Variants in CIC observed in about 807,000 individuals in gnomAD.
CIC encodes the protein capicua transcriptional repressor.
Under a neutral mutation model 115.7 loss-of-function variants are expected in CIC, and 18 were observed. The ratio of observed to expected loss-of-function variants is 0.16; its 90% CI spans 0.11 to 0.23. CIC has a LOEUF of 0.23. Ranked by LOEUF, CIC falls within the 10% of genes least tolerant of loss-of-function variation. The pLI is 1.00. For missense variants in CIC, 2,000 were observed against 2,159.3 expected, an observed-to-expected ratio of 0.93 and a Z score of 1.46; for synonymous variants, 1,076 against 923.0, an observed-to-expected ratio of 1.17 and a Z score of -3.01.
At chr19:42,284,000 G>A (rs1365171236) in intron 2 of CIC, 2 of 149,514 alleles carry the variant, frequency 1.3e-5, no homozygotes, top group Non-Finnish European at 3.0e-5. Flanking sequence ...GAAGGCCGCG[G>A]GGGAAGCGGG....
chr19:42,292,871 A>G lies in CIC; in HGVS notation c.6196+12A>G, dbSNP rs1323980309. Reference sequence around the variant, plus strand: ...CCCCAGCGCCACAGGTAGGTGTCAGATCAACCCAGAGCAGAGTGAGTTGGG... The same window carrying G: ...CCCCAGCGCCACAGGTAGGTGTCAGGTCAACCCAGAGCAGAGTGAGTTGGG... On this transcript the variant is annotated intron_variant, in intron 15 of 20. Coordinates refer to ENST00000681038, the MANE Select transcript of CIC (RefSeq NM_001386298.1). 1 of 1,613,816 alleles carries G rather than the reference A, an allele frequency of 6.2e-7. No homozygotes were observed.
upstream of CIC, chr19:42,268,726 C>G (rs2036654795): frequency 6.6e-6 from 1 of 152,264 alleles, no homozygotes; most frequent in South Asian, 2.1e-4. Flanking sequence ...GAGTTGTAGT[C>G]TGCCTTGTAC....
rs1254553108 is a variant in CIC, at chr19:42,288,949, G to C, written c.3720G>C (p.Pro1240=). The C allele has an allele frequency of 6.2e-7, 1 of 1,614,062 alleles. No homozygotes were observed. Among genetic ancestry groups the C allele is most frequent in the Non-Finnish European group, 8.5e-7 (1 of 1,180,040 alleles). The part of the protein sequence containing the change: ...QTLLSSDTKA[P]GSSSCGAERL... ...TCCTGAGCTCAGACACCAAGGCTCCGGGGAGCAGCTCCTGTGGGGCAGAAC... is the reference window on the plus strand; with the variant it reads ...TCCTGAGCTCAGACACCAAGGCTCCCGGGAGCAGCTCCTGTGGGGCAGAAC... Residue 1240 remains proline, a synonymous_variant, in exon 8 of 21, where the codon CCG becomes CCC. Transcript: ENST00000681038.
Position 42,289,075 on chromosome 19 carries a change from ACAGGAACTGACG to A in CIC, c.3851_3861+1del. ...GCGGAGAAGTAGACAGTCAGGCGCT[ACAGGAACTGACG>A]CAGGTCTAGGGTGCAGGCCCCCTAG... On this transcript the variant is annotated inframe_deletion, in exon 8 of 21. Coordinates refer to ENST00000681038, the MANE Select transcript of CIC (RefSeq NM_001386298.1). The A allele has an allele frequency of 6.2e-7, 1 of 1,613,630 alleles. No homozygotes were observed. The highest frequency in any genetic ancestry group is 1.1e-5 in the South Asian group (1 of 91,090).
rs147311555 is a variant in CIC, at chr19:42,290,738, A to G, written c.4697A>G (p.Tyr1566Cys). The change falls in exon 11 of 21, where the codon TAT becomes TGT. Residue 1566 changes from tyrosine (Y) to cysteine (C), a missense_variant. Around this residue, in one of 8 missense-constraint regions of CIC, gnomAD observed 1,466 missense variants for 1,390.4 expected, o/e 1.05. Coordinates refer to ENST00000681038, the MANE Select transcript of CIC (RefSeq NM_001386298.1). ...TCCGCCCCCGCCCCATCACTGGCCT[A>G]TGGGGCCCCAGCAGCTCCCCTGTCC... Reference protein sequence around the residue: ...VPSAPAPSLAYGAPAAPLSRP... With the variant: ...VPSAPAPSLACGAPAAPLSRP... 2.5e-5 allele frequency: 40 copies of G among 1,612,374 alleles called. No homozygotes were observed. In the African/African-American group the frequency reaches 2.9e-4, roughly 12 times the overall value.
At position 42,286,853 on chromosome 19, in the gene CIC, C is replaced by G; in HGVS notation, c.2877C>G (p.Asp959Glu). 1 of 1,613,824 alleles carries G rather than the reference C, an allele frequency of 6.2e-7. No homozygotes were observed. The highest frequency in any genetic ancestry group is 8.5e-7 in the Non-Finnish European group (1 of 1,179,994). The change falls in exon 3 of 21, where the codon GAC (aspartate) becomes GAG (glutamate). Residue 959 changes from aspartate to glutamate, a missense_variant. Coordinates refer to ENST00000681038, the MANE Select transcript of CIC (RefSeq NM_001386298.1). ...LVPFLAPSQPDPSVQPSEAQQ... is the reference protein window; with the variant it reads ...LVPFLAPSQPEPSVQPSEAQQ... Reference sequence around the variant, plus strand: ...CCTTCCTGGCACCCAGCCAGCCTGACCCCTCCGTGCAGCCGAGCGAGGCCC... The same window carrying G: ...CCTTCCTGGCACCCAGCCAGCCTGAGCCCTCCGTGCAGCCGAGCGAGGCCC...
At chr19:42,277,332 C>T (rs1189735158) in intron 2 of CIC, among the ~76,000 whole-genome samples, 3 of 152,152 alleles carry the variant, frequency 2.0e-5, no homozygotes, top group African/African-American at 7.2e-5. Flanking sequence ...TGGGTTCAAG[C>T]GATTCTCCCG....
In CIC at chr19:42,286,980, C is replaced by T. The variant is rs1460599605; in HGVS notation, c.2945-26C>T. The T allele has an allele frequency of 4.4e-6, 7 of 1,608,210 alleles. No homozygotes were observed. In the East Asian group the frequency reaches 8.9e-5, roughly 20 times the overall value. On this transcript the variant is annotated intron_variant, in intron 3 of 20. Coordinates refer to ENST00000681038, the MANE Select transcript of CIC (RefSeq NM_001386298.1). ...TGTGGGGTCCAGGTGGCCTAGGAGC[C>T]CTCTGATCTACCTCTGTGTCCCCAG...
In CIC at chr19:42,280,526, C is replaced by T. The variant is rs1185705301; in HGVS notation, c.2794+5949C>T. ...CCCGCTGACCGCTGATTGGCCGAGACCTGCTTCTCCGCCCCTGAGCGATTA... is the reference window on the plus strand; with the variant it reads ...CCCGCTGACCGCTGATTGGCCGAGATCTGCTTCTCCGCCCCTGAGCGATTA... On this transcript the variant is annotated intron_variant, in intron 2 of 20. Transcript: ENST00000681038. This position sits in a 1 kb window ranked among gnomAD's most constrained non-coding sequence, Gnocchi z 4.9. 6.6e-6 allele frequency among the ~76,000 whole-genome samples: 1 copy of T among 152,190 alleles called. No homozygotes were observed. Among genetic ancestry groups the T allele is most frequent in the Non-Finnish European group, 1.5e-5 (1 of 68,016 alleles).
chr19:42,287,183 C>T lies in CIC; in HGVS notation c.3122C>T (p.Ser1041Phe), dbSNP rs2037716622. ...CCTCCCACCACGGAGGAGGAGGCCT[C>T]CGGCCCCCCAGGAGAGCCCCGGCTG... ...GPPPTTEEEASGPPGEPRLDS... is the reference protein window; with the variant it reads ...GPPPTTEEEAFGPPGEPRLDS... The change falls in exon 4 of 21, where the codon TCC (serine) becomes TTC (phenylalanine). Residue 1041 changes from serine to phenylalanine, a missense_variant. Ser to Phe is a radical substitution (Grantham distance 155). Transcript: ENST00000681038. The surrounding 1 kb of genome is among the most constrained non-coding windows in gnomAD (Gnocchi z 8.7). 1 of 1,613,526 alleles carries T rather than the reference C, an allele frequency of 6.2e-7. No individual in the cohort carries two copies. Among genetic ancestry groups the T allele is most frequent in the Non-Finnish European group, 8.5e-7 (1 of 1,179,870 alleles).
chr19:42,294,154 T>C lies in CIC; in HGVS notation c.6923-19T>C. 6.2e-7 allele frequency: 1 copy of C among 1,613,706 alleles called. No individual in the cohort carries two copies. Among genetic ancestry groups the C allele is most frequent in the Non-Finnish European group, 8.5e-7 (1 of 1,179,956 alleles). On this transcript the variant is annotated intron_variant, in intron 18 of 20. Coordinates refer to ENST00000681038, the MANE Select transcript of CIC (RefSeq NM_001386298.1). ...GCAGACTGGGGCCACCTGCACTGAG[T>C]CTGCTTCTGTTTGGCCAGACCTGGA...
chr19:42,289,827 C>T (rs765801499), intron 9 of CIC, 21 bp from the exon 10 acceptor site: 9 of 1,564,284 alleles, frequency 5.8e-6, no homozygotes, highest in Admixed American at 1.9e-5. Context: ...CCTCCCCATA[C>T]TGTTCCCTCC....
rs2037899407 is a variant in CIC at position 42,289,300 on chromosome 19, G to A, written c.3981G>A (p.Leu1327=). ...TGGCGGCCACTGGGCGGCCCCCGCT[G>A]CTGCCCACCCGAGCTTCTCGTTCTC... ...GALAATGRPP[L]LPTRASRSQR... The change falls in exon 9 of 21, where the codon CTG becomes CTA. Residue 1327 remains leucine, a synonymous_variant. Coordinates refer to ENST00000681038, the MANE Select transcript of CIC (RefSeq NM_001386298.1). The A allele has an allele frequency of 3.1e-6, 5 of 1,613,878 alleles. No homozygotes were observed. In the South Asian group the frequency reaches 5.5e-5, roughly 18 times the overall value.
intron 2 of CIC, among the ~76,000 whole-genome samples, chr19:42,283,509 G>C (rs903909459): frequency 6.6e-6 from 1 of 152,112 alleles, no homozygotes; most frequent in Non-Finnish European, 1.5e-5. Flanking sequence ...TGCCCGTGGG[G>C]TGTGTAGGAG....
chr19:42,281,950 CTGCAT>C (rs1215696176), intron 2 of CIC, among the ~76,000 whole-genome samples: 5 of 152,222 alleles, frequency 3.3e-5, no homozygotes. Flanking sequence ...TGTCCTTGGA[CTGCAT>C]TGCAGTAGAG....
At chr19:42,276,572 C>T (rs185715978) in intron 2 of CIC, among the ~76,000 whole-genome samples, 7 of 152,240 alleles carry the variant, frequency 4.6e-5, no homozygotes, top group African/African-American at 1.4e-4. Context: ...CACAGGGACA[C>T]GGGTTATGCC....
Position 42,271,982 on chromosome 19 carries a change from G to C in CIC, c.199G>C (p.Ala67Pro), listed in dbSNP as rs1282286395. ...GGCTGAGGAAGGGGAGGAGGAGGAGGCTGAGCGGGGCCCTGGGGCTGAAGG... is the reference window on the plus strand; with the variant it reads ...GGCTGAGGAAGGGGAGGAGGAGGAGCCTGAGCGGGGCCCTGGGGCTGAAGG... ...EEAEEGEEEE[A>P]ERGPGAEGPP... Residue 67 changes from alanine (A) to proline (P), a missense_variant, in exon 2 of 21, where the codon GCT becomes CCT. Ala to Pro is a conservative substitution (Grantham distance 27, BLOSUM62 -1). Around this residue, in one of 8 missense-constraint regions of CIC, gnomAD observed 222 missense variants for 247.7 expected, o/e 0.90. Coordinates refer to ENST00000681038, the MANE Select transcript of CIC (RefSeq NM_001386298.1). 5.0e-6 allele frequency: 2 copies of C among 399,352 alleles called. No homozygotes were observed. Among genetic ancestry groups the C allele is most frequent in the East Asian group, 7.1e-5 (2 of 28,100 alleles). The allele number at this position is 399,352 out of a possible 1,614,324, so 24.7% of individuals were successfully genotyped here.
chr19:42,293,094 C>T lies in CIC; in HGVS notation c.6335C>T (p.Ala2112Val), dbSNP rs1568525354. The T allele has an allele frequency of 6.2e-7, 1 of 1,610,016 alleles. No homozygotes were observed. Among genetic ancestry groups the T allele is most frequent in the Non-Finnish European group, 8.5e-7 (1 of 1,178,894 alleles). Reference protein sequence around the residue: ...EAGASGRPGPAPRQPLEPGPV... With the variant: ...EAGASGRPGPVPRQPLEPGPV... ...GGTGCCTCTGGGCGGCCTGGCCCTGCACCCCGGCAGCCTCTGGAGCCTGGC... is the reference window on the plus strand; with the variant it reads ...GGTGCCTCTGGGCGGCCTGGCCCTGTACCCCGGCAGCCTCTGGAGCCTGGC... Residue 2112 changes from alanine to valine, a missense_variant, in exon 16 of 21, where the codon GCA becomes GTA. Transcript: ENST00000681038.
chr19:42,272,809 C>G lies in CIC; in HGVS notation c.1026C>G (p.Pro342=). 1 of 399,046 alleles carries G rather than the reference C, an allele frequency of 2.5e-6. No individual in the cohort carries two copies. The highest frequency in any genetic ancestry group is 2.1e-5 in the African/African-American group (1 of 48,766). The allele number at this position is 399,046 out of a possible 1,614,324, so 24.7% of individuals were successfully genotyped here. Residue 342 remains proline (P), a synonymous_variant, in exon 2 of 21, where the codon CCC becomes CCG. Coordinates refer to ENST00000681038, the MANE Select transcript of CIC (RefSeq NM_001386298.1). ...ARSSLRLLRP[P]WEPETMLRKP... ...CCAGCCTACGCCTGCTGCGCCCCCC[C>G]TGGGAACCTGAGACCATGCTGAGGA...
Sources: gnomAD v4.1 joint callset for allele counts (sites outside exome capture counted in the v4.1 genomes callset) on GRCh38, gnomAD v4.1.1 for gene constraint, gnomAD v4.1.1 regional missense constraint, Gnocchi (gnomAD v3.1) non-coding constraint, MANE v1.5 for transcripts, NCBI Gene and HGNC (gene_info 2026-07-23, HGNC 2026-07-21) for gene names.